The following RORA variants were observed in gnomAD, a reference collection of about 807,000 sequenced individuals.
RORA encodes the protein nuclear receptor ROR-alpha.
In RORA, 7 loss-of-function variants were observed where a neutral mutation model predicts 69.5. The observed-to-expected ratio is 0.10, with a 90% CI of 0.06 to 0.19. The LOEUF is 0.19. Among genes scored for constraint, RORA ranks in the 10% least tolerant of loss-of-function variants. The probability of loss-of-function intolerance (pLI) is 1.00; values close to 1 mark genes in which losing one functional copy is unlikely to be tolerated. For missense variants in RORA, 457 were observed against 663.0 expected (o/e 0.69, Z 3.41); for synonymous variants, 261 against 240.8 (o/e 1.08, Z -0.78).
intron 1 of RORA, among the ~76,000 whole-genome samples, chr15:60,846,420 C>A (rs1011625831): frequency 6.6e-6 from 1 of 152,216 alleles, no homozygotes; most frequent in South Asian, 2.1e-4. Flanking sequence ...CACACTATCA[C>A]GTCCTTATAA....
chr15:60,542,567 ACG>A (rs1189589440), intron 2 of RORA, among the ~76,000 whole-genome samples: 172 of 119,660 alleles, frequency 1.4e-3, no homozygotes, highest in African/African-American at 0.01. Flanking sequence ...CCTCACACAC[ACG>A]GCACGCATGC....
At chr15:61,002,086 G>C (rs1318297309) in intron 1 of RORA, among the ~76,000 whole-genome samples, 1 of 152,238 alleles carries the variant, frequency 6.6e-6, no homozygotes, top group East Asian at 1.9e-4. Flanking sequence ...CTGGTTTCAT[G>C]TCTGTCTTTC....
At chr15:60,842,155 T>C (rs963710307) in intron 1 of RORA, among the ~76,000 whole-genome samples, 1 of 152,070 alleles carries the variant, frequency 6.6e-6, no homozygotes, top group African/African-American at 2.4e-5. Context: ...TTCCCTTCTC[T>C]ACCACCCCAG....
intron 2 of RORA, among the ~76,000 whole-genome samples, chr15:60,652,190 A>G (rs1472715875): frequency 1.3e-5 from 2 of 151,844 alleles, no homozygotes; most frequent in Non-Finnish European, 2.9e-5. Flanking sequence ...GCAGACCTTG[A>G]TTTAAATCCT....
chr15:60,936,846 T>C (rs1892538641), intron 1 of RORA, among the ~76,000 whole-genome samples: 1 of 152,232 alleles, frequency 6.6e-6, no homozygotes, highest in Non-Finnish European at 1.5e-5. Flanking sequence ...TGTCCAGTCG[T>C]TGAGGACTGT....
In RORA at chr15:60,597,597, C is replaced by CATATATATATAT. The variant is rs1213736725; in HGVS notation, c.197-65758_197-65747dup. Among the ~76,000 whole-genome samples, 51 of 31,356 alleles carry CATATATATATAT rather than the reference C, an allele frequency of 1.6e-3. 6 individuals are homozygous for CATATATATATAT. The highest frequency in any genetic ancestry group is 7.1e-3 in the East Asian group (3 of 420). The allele number at this position is 31,356 out of a possible 152,430, so 20.6% of individuals were successfully genotyped here. A position where few individuals can be genotyped will look rare whatever the true frequency, so the allele number is the denominator to read the frequency against. On this transcript the variant is annotated intron_variant, in intron 2 of 10. Transcript: ENST00000335670. ...ATACACATATATATATATATATACA[C>CATATATATATAT]ATATATATATATATATATATACATA... is the stretch of plus-strand genomic sequence containing the variant.
intron 1 of RORA, among the ~76,000 whole-genome samples, chr15:61,172,209 G>GA (rs1294209287): frequency 6.6e-6 from 1 of 152,014 alleles, no homozygotes; most frequent in Non-Finnish European, 1.5e-5. Flanking sequence ...ATCTTTAAGA[G>GA]AAAAAAATAC....
intron 4 of RORA, chr15:60,512,171 G>C (rs1423996417): frequency 6.5e-6 from 1 of 152,836 alleles, no homozygotes; most frequent in Non-Finnish European, 1.5e-5. Context: ...TGAGGCCTCT[G>C]TAATTCTTTG....
intron 1 of RORA, among the ~76,000 whole-genome samples, chr15:60,786,399 C>G (rs2072334550): frequency 6.6e-6 from 1 of 152,248 alleles, no homozygotes; most frequent in South Asian, 2.1e-4. Flanking sequence ...CCTTAACCAA[C>G]TCTACAAAGA....
At chr15:60,510,013 A>G (rs1048139888) in intron 5 of RORA, among the ~76,000 whole-genome samples, 2 of 152,184 alleles carry the variant, frequency 1.3e-5, no homozygotes, top group Non-Finnish European at 2.9e-5. Context: ...TTGGAGAAAG[A>G]TTTTACTGGA....
intron 2 of RORA, among the ~76,000 whole-genome samples, chr15:60,620,375 T>A (rs960888596): frequency 2.0e-5 from 3 of 152,342 alleles, no homozygotes; most frequent in East Asian, 3.9e-4. Flanking sequence ...ATTGAAATCA[T>A]AATAGAACCT....
chr15:61,111,817 C>T (rs907696290), intron 1 of RORA, among the ~76,000 whole-genome samples: 6 of 152,230 alleles, frequency 3.9e-5, no homozygotes, highest in African/African-American at 1.4e-4. Flanking sequence ...ATCCCTTTGG[C>T]ATGCTATTCA....
intron 1 of RORA, among the ~76,000 whole-genome samples, chr15:60,946,650 T>C (rs1892886725): frequency 6.6e-6 from 1 of 152,168 alleles, no homozygotes; most frequent in East Asian, 1.9e-4. Flanking sequence ...TGCCTTGGCT[T>C]CCCAAAGTGC....
chr15:61,049,184 G>C (rs1374153004), intron 1 of RORA, among the ~76,000 whole-genome samples: 1 of 152,198 alleles, frequency 6.6e-6, no homozygotes, highest in Non-Finnish European at 1.5e-5. Flanking sequence ...ACATGTTTCA[G>C]ATGATGAAAA....
rs1190663448 is a variant in RORA, at chr15:60,738,888, G to A, written c.167-60202C>T. ...CTGTCCTAGCTTCTCAAAGTCCTCT[G>A]TCTTGTGGCAACATAACTCTGATCT... On this transcript the variant is annotated intron_variant, in intron 1 of 10. Coordinates refer to ENST00000335670, the MANE Select transcript of RORA (RefSeq NM_134261.3). 2.6e-5 allele frequency among the ~76,000 whole-genome samples: 4 copies of A among 152,312 alleles called. No homozygotes were observed. In the East Asian group the frequency reaches 7.7e-4, roughly 29 times the overall value.
intron 2 of RORA, among the ~76,000 whole-genome samples, chr15:60,538,133 G>T (rs1567069415): frequency 6.6e-6 from 1 of 152,122 alleles, no homozygotes; most frequent in Non-Finnish European, 1.5e-5. Flanking sequence ...GAGAGACTTG[G>T]TGTCTCTTTC....
intron 1 of RORA, among the ~76,000 whole-genome samples, chr15:60,712,077 T>C (rs1174056356): frequency 2.6e-5 from 4 of 152,312 alleles, no homozygotes; most frequent in Non-Finnish European, 5.9e-5. Flanking sequence ...CTATGAATAT[T>C]AGAAATCTTA....
intron 2 of RORA, among the ~76,000 whole-genome samples, chr15:60,673,530 A>G (rs2070507048): frequency 6.6e-6 from 1 of 152,232 alleles, no homozygotes; most frequent in Admixed American, 6.5e-5. Context: ...GATAGGTTTT[A>G]GCACCCAGGG....
intron 1 of RORA, among the ~76,000 whole-genome samples, chr15:61,105,568 G>A (rs555575536): frequency 6.6e-6 from 1 of 152,082 alleles, no homozygotes; most frequent in Non-Finnish European, 1.5e-5. Context: ...TTGGTTGACT[G>A]TGCCTCAACG....
Sources: gnomAD v4.1 joint callset for allele counts (sites outside exome capture counted in the v4.1 genomes callset) on GRCh38, gnomAD v4.1.1 for gene constraint, MANE v1.5 for transcripts, NCBI Gene and HGNC (gene_info 2026-07-23, HGNC 2026-07-21) for gene names.